Variants in PIGN observed in about 807,000 individuals in gnomAD.
PIGN encodes phosphatidylinositol glycan anchor biosynthesis class N, also known as GPI ethanolamine phosphate transferase 1.
Under a neutral mutation model 125.4 loss-of-function variants are expected in PIGN, and 117 were observed. The ratio of observed to expected loss-of-function variants is 0.93; its 90% CI spans 0.80 to 1.09. The LOEUF is 1.09. Ranked by LOEUF, PIGN falls within the 50% of genes least tolerant of loss-of-function variation. The pLI is 0.00. For synonymous variants in PIGN, 392 were observed against 377.8 expected (o/e 1.04, Z -0.44); for missense variants, 1,075 against 1,094.9 (o/e 0.98, Z 0.26).
rs1599380404 is a variant in PIGN, at chr18:62,042,388, C to A, written c.*3468G>T. Reference sequence around the variant, plus strand: ...GACATTTATTTGTATTACAAGGAACCAATGTTCTAAGGGACAATCTCTGAT... The same window carrying A: ...GACATTTATTTGTATTACAAGGAACAAATGTTCTAAGGGACAATCTCTGAT... On this transcript the variant is annotated 3_prime_UTR_variant, in exon 31 of 31. Coordinates refer to ENST00000640252, the MANE Select transcript of PIGN (RefSeq NM_176787.5). 1 of 151,976 alleles carries A rather than the reference C, an allele frequency of 6.6e-6. No homozygotes were observed. The highest frequency in any genetic ancestry group is 2.4e-5 in the African/African-American group (1 of 41,350). The allele number at this position is 151,976 out of a possible 1,614,324, so 9.4% of individuals were successfully genotyped here. A position where few individuals can be genotyped will look rare whatever the true frequency, so the allele number is the denominator to read the frequency against.
chr18:62,105,272 C>A (rs566973649), intron 20 of PIGN: 5 of 230,880 alleles, frequency 2.2e-5, no homozygotes, highest in Non-Finnish European at 3.4e-5. Context: ...AGAAAGAAAA[C>A]CTTCTAGACT....
At chr18:62,122,436 G>A (rs1476764204) in intron 14 of PIGN, among the ~76,000 whole-genome samples, 3 of 151,878 alleles carry the variant, frequency 2.0e-5, no homozygotes, top group African/African-American at 7.3e-5. Context: ...GAATCCAATA[G>A]CAAATTTTTA....
chr18:62,161,056 A>G, intron 4 of PIGN, 77 bp downstream of exon 4: 1 of 899,896 alleles, frequency 1.1e-6, no homozygotes, highest in Non-Finnish European at 1.7e-6. Flanking sequence ...TGCATGATAA[A>G]TAGTAAGATA....
chr18:62,071,525 A>AT lies in PIGN; in HGVS notation c.2672+1147dup, dbSNP rs71160813. Among the ~76,000 whole-genome samples, 455 of 151,544 alleles carry AT rather than the reference A, an allele frequency of 3.0e-3. 2 individuals are homozygous for AT. Among genetic ancestry groups the AT allele is most frequent in the Non-Finnish European group, 4.5e-3 (303 of 67,828 alleles). On this transcript the variant is annotated intron_variant, in intron 30 of 30. Transcript: ENST00000640252. ...TTCTATACTAAGATACTAAGTTTTA[A>AT]TTTTTTTTTACTGCACTATTAAGAA...
At chr18:62,092,528 T>C (rs1395343226) in intron 23 of PIGN, among the ~76,000 whole-genome samples, 10 of 152,020 alleles carry the variant, frequency 6.6e-5, no homozygotes, top group African/African-American at 2.4e-4. Flanking sequence ...AAAATCCATA[T>C]CATGAAATAT....
At chr18:62,047,387 C>T (rs993649775) in intron 30 of PIGN, among the ~76,000 whole-genome samples, 5 of 152,214 alleles carry the variant, frequency 3.3e-5, no homozygotes, top group African/African-American at 1.2e-4. Context: ...GAGGTCCCTC[C>T]CCCTCTTCAA....
rs181022406 is a variant in PIGN, at chr18:62,098,290, A to T, written c.2078-2340T>A. ...TTACATTTTTTAATACCCTTAGATG[A>T]GTAGCTTCTGACTTTTTTTCCAGAT... On this transcript the variant is annotated intron_variant, in intron 22 of 30. Transcript: ENST00000640252. Among the ~76,000 whole-genome samples, 3 of 152,338 alleles carry T rather than the reference A, an allele frequency of 2.0e-5. No homozygotes were observed. The East Asian group carries it at 5.8e-4, about 29-fold the overall frequency.
intron 9 of PIGN, 129 bp downstream of exon 9, chr18:62,146,842 C>T: frequency 1.2e-6 from 1 of 826,518 alleles, no homozygotes; most frequent in Non-Finnish European, 1.7e-6. Context: ...ACATTTTAAG[C>T]ACAGAATTAT....
intron 1 of PIGN, among the ~76,000 whole-genome samples, chr18:62,167,401 G>T (rs2147755018): frequency 6.6e-6 from 1 of 151,506 alleles, no homozygotes; most frequent in South Asian, 2.1e-4. Flanking sequence ...GGAGGCCGAG[G>T]TGGGTGGATC....
At chr18:62,028,256 A>C (rs930517050) in intron 23 of PIGN, among the ~76,000 whole-genome samples, 2 of 152,228 alleles carry the variant, frequency 1.3e-5, no homozygotes, top group Non-Finnish European at 2.9e-5. Context: ...GTGACAACAA[A>C]AATCTGCAAC....
chr18:62,096,933 G>T (rs1349405882), intron 22 of PIGN, among the ~76,000 whole-genome samples: 1 of 149,852 alleles, frequency 6.7e-6, no homozygotes, highest in Non-Finnish European at 1.5e-5. Flanking sequence ...GTCTATCATT[G>T]TTGGACATTT....
intron 16 of PIGN, among the ~76,000 whole-genome samples, chr18:62,110,950 T>C (rs2034855180): frequency 6.7e-6 from 1 of 150,326 alleles, no homozygotes; most frequent in Non-Finnish European, 1.5e-5. Flanking sequence ...AACTCCTCAC[T>C]AAATAAAGTG....
chr18:62,178,795 T>C (rs1315907291), intron 1 of PIGN, among the ~76,000 whole-genome samples: 1 of 152,194 alleles, frequency 6.6e-6, no homozygotes, highest in Non-Finnish European at 1.5e-5. Flanking sequence ...CAAAATCCCA[T>C]ATGAGAACTA....
At chr18:62,128,587 C>A (rs1417771773) in intron 14 of PIGN, among the ~76,000 whole-genome samples, 1 of 151,770 alleles carries the variant, frequency 6.6e-6, no homozygotes, top group Admixed American at 6.6e-5. Flanking sequence ...TCACATGCAG[C>A]CACAGAGATC....
At chr18:62,083,210 A>T (rs1453209405) in intron 27 of PIGN, among the ~76,000 whole-genome samples, 4 of 152,010 alleles carry the variant, frequency 2.6e-5, no homozygotes, top group African/African-American at 4.8e-5. Flanking sequence ...TGCCTTTTTT[A>T]AAAAAATACA....
exon 24 of PIGN, chr18:62,017,703 C>T (rs1221932837): frequency 6.6e-6 from 1 of 152,034 alleles, no homozygotes; most frequent in Non-Finnish European, 1.5e-5. Context: ...TTTCCTACAC[C>T]TCCAGGCAGT....
chr18:62,145,015 G>A (rs533974989), intron 10 of PIGN, among the ~76,000 whole-genome samples: 12 of 151,210 alleles, frequency 7.9e-5, no homozygotes, highest in Middle Eastern at 3.4e-3. Context: ...TGGCGGGGGG[G>A]GGGGGGCAGG....
intron 20 of PIGN, 34 bp downstream of exon 20, chr18:62,105,509 T>C (rs563352542): frequency 1.9e-5 from 24 of 1,241,184 alleles, no homozygotes; most frequent in South Asian, 4.0e-5. Context: ...AAAAAGTGTA[T>C]TGAAAATAGA....
chr18:62,175,064 AT>A (rs1312458611), intron 1 of PIGN, among the ~76,000 whole-genome samples: 1 of 101,620 alleles, frequency 9.8e-6, no homozygotes, highest in East Asian at 4.0e-4. Context: ...TTTATATATA[AT>A]AAATATATAT....
Sources: allele counts gnomAD v4.1 joint callset (sites outside exome capture counted in the v4.1 genomes callset), GRCh38; gene constraint gnomAD v4.1.1; transcripts MANE v1.5; gene names NCBI Gene and HGNC (gene_info 2026-07-23, HGNC 2026-07-21).